Variants in OR2K2 observed in about 807,000 individuals in gnomAD.
The protein encoded by OR2K2 is olfactory receptor family 2 subfamily K member 2, also known as olfactory receptor 2K2.
Under a neutral mutation model 11.1 loss-of-function variants are expected in OR2K2, and 7 were observed. That is an observed-to-expected ratio of 0.63 (90% CI 0.36 to 1.19). The LOEUF (loss-of-function observed/expected upper bound fraction) is 1.19, where lower values mean the gene tolerates loss of function less well. Ranked by LOEUF, OR2K2 falls within the 50% of genes most tolerant of loss-of-function variation. The probability of loss-of-function intolerance (pLI) is 0.02; values close to 1 mark genes in which losing one functional copy is unlikely to be tolerated. For synonymous variants in OR2K2, 152 were observed against 150.8 expected (o/e 1.01, Z -0.06); for missense variants, 391 against 383.4 (o/e 1.02, Z -0.17).
intron 1 of OR2K2, among the ~76,000 whole-genome samples, chr9:111,329,077 G>C (rs1395677462): frequency 6.6e-6 from 1 of 152,072 alleles, no homozygotes; most frequent in Non-Finnish European, 1.5e-5. Context: ...TTAGCCAGAT[G>C]TGGTGGCGCA....
Position 111,328,448 on chromosome 9 carries a change from C to T in OR2K2, c.-15G>A. ...TCTCCTTGCATTTTCTTTCTTTCAT[C>T]TATATTTCTTCCAGTACTATTCCCT... On this transcript the variant is annotated 5_prime_UTR_variant, in exon 2 of 2. An upstream open reading frame in the 5' UTR loses its in-frame stop. Transcript: ENST00000302681. 1 of 1,533,568 alleles carries T rather than the reference C, an allele frequency of 6.5e-7. No individual in the cohort carries two copies. Among genetic ancestry groups the T allele is most frequent in the Non-Finnish European group, 9.0e-7 (1 of 1,116,626 alleles). 95.0% of individuals were successfully genotyped at this position (1,533,568 alleles called of 1,614,324 possible). A position where few individuals can be genotyped will look rare whatever the true frequency, so the allele number is the denominator to read the frequency against.
In OR2K2 at chr9:111,327,762, A is replaced by G; in HGVS notation, c.672T>C (p.Ile224=). The stretch of plus-strand genomic sequence containing the variant: ...TTCCCTCTGCTGAGGTGATTCTCAG[A>G]ATAGTGGAAAGGATGAAGATGTAAG... The part of the protein sequence containing the change: ...CISYIFILST[I]LRITSAEGRN... Residue 224 remains isoleucine (I), a synonymous_variant, in exon 2 of 2, where the codon ATT becomes ATC. Transcript: ENST00000302681. 6.2e-7 allele frequency: 1 copy of G among 1,614,170 alleles called. No homozygotes were observed. The highest frequency in any genetic ancestry group is 8.5e-7 in the Non-Finnish European group (1 of 1,180,036).
rs1410686258 is a variant in OR2K2, at chr9:111,327,874, G to T, written c.560C>A (p.Ala187Asp). 1 of 1,614,194 alleles carries T rather than the reference G, an allele frequency of 6.2e-7. No homozygotes were observed. Among genetic ancestry groups the T allele is most frequent in the South Asian group, 1.1e-5 (1 of 91,084 alleles). ...TCEILAVLKLACTSSLLMNTI... is the reference protein window; with the variant it reads ...TCEILAVLKLDCTSSLLMNTI... ...GTTCATGAGCAGTGAACTTGTGCAA[G>T]CTAACTTTAGCACCGCCAGAATTTC... Residue 187 changes from alanine to aspartate, a missense_variant, in exon 2 of 2, where the codon GCT (alanine) becomes GAT (aspartate). Coordinates refer to ENST00000302681, the MANE Select transcript of OR2K2 (RefSeq NM_205859.2).
At chr9:111,328,805 T>C (rs193031371) in intron 1 of OR2K2, among the ~76,000 whole-genome samples, 3 of 152,258 alleles carry the variant, frequency 2.0e-5, no homozygotes, top group Admixed American at 2.0e-4. Context: ...ATTGAAGAAG[T>C]TATTGAGCTC....
rs1351978412 is a variant in OR2K2 at position 111,328,047 on chromosome 9, C to A, written c.387G>T (p.Pro129=). The A allele has an allele frequency of 6.2e-7, 1 of 1,614,132 alleles. No homozygotes were observed. ...TGTTCATGATGATGGAGTATCTCAGCGGGTTACAAATGGCCACATAACGGT... is the reference window on the plus strand; with the variant it reads ...TGTTCATGATGATGGAGTATCTCAGAGGGTTACAAATGGCCACATAACGGT... ...AYDRYVAICN[P]LRYSIIMNRC... is the part of the protein sequence containing the mutation. Residue 129 remains proline (P), a synonymous_variant, in exon 2 of 2, where the codon CCG becomes CCT. Coordinates refer to ENST00000302681, the MANE Select transcript of OR2K2 (RefSeq NM_205859.2).
In OR2K2 at chr9:111,327,478, C is replaced by T. The variant is rs1201532034; in HGVS notation, c.*5G>A. 6.4e-7 allele frequency: 1 copy of T among 1,573,468 alleles called. No homozygotes were observed. The highest frequency in any genetic ancestry group is 1.8e-5 in the Admixed American group (1 of 55,788). The stretch of plus-strand genomic sequence containing the variant: ...CACATCTCTGGTAAAACCATAGGGA[C>T]CCAATCAGAGATGTTCGTGTGTTTG... On this transcript the variant is annotated 3_prime_UTR_variant, in exon 2 of 2. Coordinates refer to ENST00000302681, the MANE Select transcript of OR2K2 (RefSeq NM_205859.2).
Position 111,328,120 on chromosome 9 carries a change from AG to A in OR2K2, c.313del (p.Ala106ProfsTer12). On this transcript the variant is annotated frameshift_variant, in exon 2 of 2. Coordinates refer to ENST00000302681, the MANE Select transcript of OR2K2 (RefSeq NM_205859.2). LOFTEE classifies it high-confidence loss of function. ...CACACACTCTGTGGAGCCCATGGCA[AG>A]GGACAGATACATCTGTACAGCACAC... Reference protein sequence around the residue: ...SGCAVQMYLSLAMGSTECVLL... With the variant: ...SGCAVQMYLSXAMGSTECVLL... 1 of 1,614,224 alleles carries A rather than the reference AG, an allele frequency of 6.2e-7. No individual in the cohort carries two copies. Among genetic ancestry groups the A allele is most frequent in the Non-Finnish European group, 8.5e-7 (1 of 1,180,036 alleles).
chr9:111,329,162 C>A (rs1184003154), intron 1 of OR2K2, among the ~76,000 whole-genome samples: 1 of 152,036 alleles, frequency 6.6e-6, no homozygotes, highest in East Asian at 1.9e-4. Context: ...CGAGATTGCA[C>A]CACTGCACTC....
At position 111,327,952 on chromosome 9, in the gene OR2K2, C is replaced by T. The variant is rs1394746981; in HGVS notation, c.482G>A (p.Ser161Asn). 1.2e-6 allele frequency: 2 copies of T among 1,614,114 alleles called. No individual in the cohort carries two copies. Among genetic ancestry groups the T allele is most frequent in the South Asian group, 1.1e-5 (1 of 91,080 alleles). Residue 161 changes from serine to asparagine, a missense_variant, in exon 2 of 2, where the codon AGT becomes AAT. Ser to Asn is a conservative substitution (Grantham distance 46). Transcript: ENST00000302681. Reference protein sequence around the residue: ...TGCLTALLETSFALQIPLCGN... With the variant: ...TGCLTALLETNFALQIPLCGN... Reference sequence around the variant, plus strand: ...ACAGAGGGGTATCTGCAGGGCAAAACTGGTTTCCAGCAGAGCGGTCAGGCA... The same window carrying T: ...ACAGAGGGGTATCTGCAGGGCAAAATTGGTTTCCAGCAGAGCGGTCAGGCA...
chr9:111,328,676 T>C (rs769763095), intron 1 of OR2K2, among the ~76,000 whole-genome samples, 194 bp from the exon 2 acceptor site: 1 of 152,114 alleles, frequency 6.6e-6, no homozygotes, highest in South Asian at 2.1e-4. Context: ...AACAGCAAAT[T>C]TGAAAAAAGA....
chr9:111,329,149 AGCCGAGATT>A (rs2098102160), intron 1 of OR2K2, among the ~76,000 whole-genome samples: 2 of 152,120 alleles, frequency 1.3e-5, no homozygotes, highest in Non-Finnish European at 2.9e-5. Context: ...GGTTGCAGTA[AGCCGAGATT>A]GCACCACTGC....
rs759960524 is a variant in OR2K2, at chr9:111,327,895, AT to A, written c.538del (p.Ile180PhefsTer5). ...GCAAGCTAACTTTAGCACCGCCAGA[AT>A]TTCACACGTGAAGTGATCGATGAGA... ...GNLIDHFTCE[I>X]LAVLKLACTS... On this transcript the variant is annotated frameshift_variant, in exon 2 of 2. Transcript: ENST00000302681. LOFTEE classifies it high-confidence loss of function. The A allele has an allele frequency of 3.7e-6, 6 of 1,614,214 alleles. No individual in the cohort carries two copies. In the East Asian group the frequency reaches 1.1e-4, roughly 30 times the overall value.
In OR2K2 at chr9:111,327,587, T is replaced by C. The variant is rs1363578170; in HGVS notation, c.847A>G (p.Met283Val). The C allele has an allele frequency of 6.2e-7, 1 of 1,614,058 alleles. No homozygotes were observed. The highest frequency in any genetic ancestry group is 8.5e-7 in the Non-Finnish European group (1 of 1,179,940). The change falls in exon 2 of 2, where the codon ATG becomes GTG. Residue 283 changes from methionine (M) to valine (V), a missense_variant. Met to Val is a conservative substitution (Grantham distance 21). Transcript: ENST00000302681. ...ISLLYGVLTP[M>V]LNPIIYSLRN... Reference sequence around the variant, plus strand: ...AAACTGTAAATTATGGGGTTCAACATAGGGGTAAGCACTCCGTAAAGCAAC... The same window carrying C: ...AAACTGTAAATTATGGGGTTCAACACAGGGGTAAGCACTCCGTAAAGCAAC...
chr9:111,328,510 G>C, intron 1 of OR2K2, 28 bp from the exon 2 acceptor site: 1 of 956,186 alleles, frequency 1.0e-6, no homozygotes, highest in Non-Finnish European at 1.6e-6. Flanking sequence ...TGAATAAAGT[G>C]TGATATTCAT....
At position 111,328,169 on chromosome 9, in the gene OR2K2, G is replaced by T. The variant is rs780087316; in HGVS notation, c.265C>A (p.Gln89Lys). 6.2e-7 allele frequency: 1 copy of T among 1,614,170 alleles called. No homozygotes were observed. The highest frequency in any genetic ancestry group is 8.5e-7 in the Non-Finnish European group (1 of 1,180,018). The change falls in exon 2 of 2, where the codon CAG (glutamine) becomes AAG (lysine). Residue 89 changes from glutamine to lysine, a missense_variant. Physicochemically the swap from Gln to Lys is moderately conservative, Grantham distance 53. Transcript: ENST00000302681. Reference sequence around the variant, plus strand: ...CACCCAGAAAAGATAATGGTTTTCTGGGATGACAGCAAGTTCACCAGCAAA... The same window carrying T: ...CACCCAGAAAAGATAATGGTTTTCTTGGATGACAGCAAGTTCACCAGCAAA... ...PTLLVNLLSSQKTIIFSGCAV... is the reference protein window; with the variant it reads ...PTLLVNLLSSKKTIIFSGCAV...
chr9:111,327,471 A>G lies in OR2K2; in HGVS notation c.*12T>C. ...CCAGGGGCACATCTCTGGTAAAACC[A>G]TAGGGACCCAATCAGAGATGTTCGT... On this transcript the variant is annotated 3_prime_UTR_variant, in exon 2 of 2. Transcript: ENST00000302681. The G allele has an allele frequency of 6.4e-7, 1 of 1,557,290 alleles. No individual in the cohort carries two copies. Among genetic ancestry groups the G allele is most frequent in the Non-Finnish European group, 8.7e-7 (1 of 1,145,902 alleles).
chr9:111,328,738 C>G (rs1362507032), intron 1 of OR2K2, among the ~76,000 whole-genome samples: 2 of 152,104 alleles, frequency 1.3e-5, no homozygotes, highest in South Asian at 2.1e-4. Flanking sequence ...CCTTGGCACA[C>G]AGTAGGTCTT....
chr9:111,329,660 A>C (rs1232755530), intron 1 of OR2K2, among the ~76,000 whole-genome samples: 1 of 152,238 alleles, frequency 6.6e-6, no homozygotes, highest in African/African-American at 2.4e-5. Context: ...ATCCATGAGC[A>C]GTGAACTTGA....
In OR2K2 at chr9:111,328,406, T is replaced by A. The variant is rs370034156; in HGVS notation, c.28A>T (p.Ser10Cys). The change falls in exon 2 of 2, where the codon AGC (serine) becomes TGC (cysteine). Residue 10 changes from serine to cysteine, a missense_variant. Ser to Cys is a moderately radical substitution (Grantham distance 112). Transcript: ENST00000302681. Reference sequence around the variant, plus strand: ...GAAAATCCCTCCAAGAAAAAAATGCTCCAAATGGTGAAGTTTTCTCCTTGC... The same window carrying A: ...GAAAATCCCTCCAAGAAAAAAATGCACCAAATGGTGAAGTTTTCTCCTTGC... MQGENFTIW[S>C]IFFLEGFSQY... is the part of the protein sequence containing the mutation. The A allele has an allele frequency of 6.2e-7, 1 of 1,610,284 alleles. No homozygotes were observed. Among genetic ancestry groups the A allele is most frequent in the African/African-American group, 1.3e-5 (1 of 74,938 alleles).
Sources: gnomAD v4.1 joint callset for allele counts (sites outside exome capture counted in the v4.1 genomes callset) on GRCh38, gnomAD v4.1.1 for gene constraint, MANE v1.5 for transcripts, NCBI Gene and HGNC (gene_info 2026-07-23, HGNC 2026-07-21) for gene names.